The following IRAK1BP1 variants were observed in gnomAD, a reference collection of about 807,000 sequenced individuals.
IRAK1BP1 encodes interleukin 1 receptor associated kinase 1 binding protein 1.
A neutral mutation model predicts 28.0 loss-of-function variants in IRAK1BP1; 24 were observed. That is an observed-to-expected ratio of 0.86 (90% CI 0.62 to 1.20). The LOEUF (loss-of-function observed/expected upper bound fraction) is 1.20, where lower values mean the gene tolerates loss of function less well. Among genes scored for constraint, IRAK1BP1 ranks in the 50% most tolerant of loss-of-function variants. The pLI, the probability that IRAK1BP1 is intolerant of heterozygous loss-of-function variation, is 0.00. For synonymous variants in IRAK1BP1, 131 were observed against 116.3 expected (o/e 1.13, Z -0.81); for missense variants, 336 against 316.7 (o/e 1.06, Z -0.46).
downstream of IRAK1BP1, among the ~76,000 whole-genome samples, chr6:78,906,502 C>T (rs188198230): frequency 3.9e-4 from 60 of 152,224 alleles, no homozygotes; most frequent in East Asian, 8.5e-3. Flanking sequence ...AATAAGAGTT[C>T]GTGTTTATCT....
At chr6:78,928,477 T>C (rs1315713304) in intron 4 of IRAK1BP1, among the ~76,000 whole-genome samples, 1 of 152,160 alleles carries the variant, frequency 6.6e-6, no homozygotes, top group African/African-American at 2.4e-5. Context: ...CAAGAATAAT[T>C]TGACTTATTC....
At chr6:78,925,411 C>T (rs1055655964) in intron 4 of IRAK1BP1, among the ~76,000 whole-genome samples, 5 of 152,092 alleles carry the variant, frequency 3.3e-5, no homozygotes, top group African/African-American at 9.7e-5. Flanking sequence ...AAGACATACA[C>T]GTGATCAACA....
chr6:78,940,981 A>G (rs1459590152), intron 4 of IRAK1BP1: 1 of 1,614,016 alleles, frequency 6.2e-7, no homozygotes, highest in East Asian at 2.2e-5. Flanking sequence ...GGAGATCTGC[A>G]TCTAATTTTT....
At chr6:78,933,091 C>T (rs1773112248) in intron 4 of IRAK1BP1, among the ~76,000 whole-genome samples, 1 of 152,060 alleles carries the variant, frequency 6.6e-6, no homozygotes, top group African/African-American at 2.4e-5. Flanking sequence ...CTGGCTTCAT[C>T]TTAACACCAG....
At position 78,888,148 on chromosome 6, in the gene IRAK1BP1, A is replaced by AT. The variant is rs533754847; in HGVS notation, c.381+2706dup. Among the ~76,000 whole-genome samples, 656 of 152,318 alleles carry AT rather than the reference A, an allele frequency of 4.3e-3. 2 individuals are homozygous for AT. Among genetic ancestry groups the AT allele is most frequent in the African/African-American group, 0.014 (595 of 41,552 alleles). ...CCACTTACATGAGGAGTCTAAAATA[A>AT]TCATATCATAGAAGCAAAAAATAGA... On this transcript the variant is annotated intron_variant, in intron 2 of 3. Coordinates refer to ENST00000369940, the MANE Select transcript of IRAK1BP1 (RefSeq NM_001010844.4).
chr6:78,956,775 T>A, the IRAK1BP1 span: 1 of 152,118 alleles, frequency 6.6e-6, no homozygotes, highest in African/African-American at 2.4e-5. Context: ...TCCTCCCCTG[T>A]ATCTGAATCC....
chr6:78,960,979 TTGTTG>T, the IRAK1BP1 span, among the ~76,000 whole-genome samples: 18 of 152,224 alleles, frequency 1.2e-4, no homozygotes, highest in Admixed American at 1.0e-3. Context: ...ACAAATTAAA[TTGTTG>T]GACTGCTAAG....
chr6:78,879,507 T>C (rs2127642082), intron 1 of IRAK1BP1, among the ~76,000 whole-genome samples: 1 of 152,236 alleles, frequency 6.6e-6, no homozygotes, highest in Non-Finnish European at 1.5e-5. Flanking sequence ...AACAGTCAAA[T>C]GTCTGTATGC....
At chr6:78,961,671 T>C in the IRAK1BP1 span, 1 of 1,608,356 alleles carries the variant, frequency 6.2e-7, no homozygotes. Context: ...TGATAGTAGC[T>C]ACATCAAATG....
chr6:78,942,850 G>C (rs1773574153), intron 4 of IRAK1BP1, among the ~76,000 whole-genome samples: 1 of 152,114 alleles, frequency 6.6e-6, no homozygotes, highest in Admixed American at 6.6e-5. Flanking sequence ...TTCTGAGACA[G>C]GGACTATAGG....
chr6:78,971,926 TGCAA>T, the IRAK1BP1 span, among the ~76,000 whole-genome samples: 2 of 152,116 alleles, frequency 1.3e-5, no homozygotes, highest in African/African-American at 4.8e-5. Context: ...GAGGTCAAAC[TGCAA>T]GGCGGCAGCG....
chr6:78,910,651 C>T lies in IRAK1BP1; in HGVS notation c.*67+7541C>T, dbSNP rs535801049. On this transcript the variant is annotated intron_variant and NMD_transcript_variant, in intron 4 of 4. Coordinates refer to the IRAK1BP1 transcript ENST00000606868. ...CGCATTCTCGGCGCGGAGGGCGGAG[C>T]CTTTCCTGGAGTGGCGGCGGATGAC... Among the ~76,000 whole-genome samples the T allele has an allele frequency of 2.0e-5, 3 of 152,330 alleles. No individual in the cohort carries two copies. In the South Asian group the frequency reaches 6.2e-4, roughly 32 times the overall value.
At chr6:78,969,633 A>G in the IRAK1BP1 span, among the ~76,000 whole-genome samples, 1 of 152,178 alleles carries the variant, frequency 6.6e-6, no homozygotes, top group African/African-American at 2.4e-5. Context: ...AAAATGTTTT[A>G]AATTTCAACA....
At chr6:78,925,817 A>T (rs545045239) in intron 4 of IRAK1BP1, among the ~76,000 whole-genome samples, 1 of 152,290 alleles carries the variant, frequency 6.6e-6, no homozygotes, top group Admixed American at 6.5e-5. Flanking sequence ...GGAGTGGATA[A>T]AGAAAATATG....
intron 1 of IRAK1BP1, among the ~76,000 whole-genome samples, chr6:78,878,988 C>T (rs1187769471): frequency 2.0e-5 from 3 of 152,102 alleles, no homozygotes; most frequent in Non-Finnish European, 2.9e-5. Context: ...AAGAAATATG[C>T]GACTATGTGA....
chr6:78,969,046 T>C, the IRAK1BP1 span, among the ~76,000 whole-genome samples: 13 of 152,194 alleles, frequency 8.5e-5, no homozygotes, highest in African/African-American at 3.1e-4. Context: ...TCTTGGTTAC[T>C]CCCTTATTTG....
At chr6:78,879,008 A>C (rs1771116498) in intron 1 of IRAK1BP1, among the ~76,000 whole-genome samples, 1 of 152,152 alleles carries the variant, frequency 6.6e-6, no homozygotes, top group African/African-American at 2.4e-5. Flanking sequence ...AAAAGACCAA[A>C]TCTACGTCTG....
At chr6:78,953,404 C>A in the IRAK1BP1 span, among the ~76,000 whole-genome samples, 4 of 152,194 alleles carry the variant, frequency 2.6e-5, no homozygotes, top group African/African-American at 7.2e-5. Context: ...CTGTGCAAAG[C>A]CCAGAATACA....
the IRAK1BP1 span, chr6:78,962,949 C>A: frequency 4.7e-6 from 3 of 635,844 alleles, no homozygotes; most frequent in African/African-American, 3.8e-5. Context: ...TGTGTTAAGA[C>A]CACATTCAAA....
Sources: gnomAD v4.1 joint callset for allele counts (sites outside exome capture counted in the v4.1 genomes callset) on GRCh38, gnomAD v4.1.1 for gene constraint, MANE v1.5 for transcripts, NCBI Gene and HGNC (gene_info 2026-07-23, HGNC 2026-07-21) for gene names.